SEMA5A: variants seen among roughly 807,000 people sequenced by gnomAD.
The protein encoded by SEMA5A is semaphorin 5A, also known as semaphorin-5A.
A neutral mutation model predicts 135.5 loss-of-function variants in SEMA5A; 55 were observed. The observed-to-expected ratio is 0.41, with a 90% CI of 0.33 to 0.51. The LOEUF (loss-of-function observed/expected upper bound fraction) is 0.51. Among genes scored for constraint, SEMA5A ranks in the 20% least tolerant of loss-of-function variants. The pLI is 0.37. For synonymous variants in SEMA5A, 580 were observed against 546.5 expected, an observed-to-expected ratio of 1.06 and a Z score of -0.85; for missense variants, 1,290 against 1,419.9, an observed-to-expected ratio of 0.91 and a Z score of 1.47.
chr5:9,330,607 C>G lies in SEMA5A; in HGVS notation c.224+7106G>C, dbSNP rs544689522. On this transcript the variant is annotated intron_variant, in intron 4 of 22. Transcript: ENST00000382496. Reference sequence around the variant, plus strand: ...TTTTGAACAAATGTCCTAGCTAATACTTAAGAACATTAATGTTTGGCAAAT... The same window carrying G: ...TTTTGAACAAATGTCCTAGCTAATAGTTAAGAACATTAATGTTTGGCAAAT... 4.0e-3 allele frequency among the ~76,000 whole-genome samples: 616 copies of G among 152,154 alleles called. 6 individuals are homozygous for G. The highest frequency in any genetic ancestry group is 0.014 in the African/African-American group (587 of 41,492).
chr5:9,066,579 G>A lies in SEMA5A; in HGVS notation c.2141C>T (p.Thr714Ile), dbSNP rs1737480112. Residue 714 changes from threonine to isoleucine, a missense_variant, in exon 17 of 23, where the codon ACA becomes ATA. By Grantham distance (89) the Thr-to-Ile change is moderately conservative (BLOSUM62 -1). This residue lies in a region of SEMA5A where 1,029 missense variants were observed against 1,086.6 expected (regional missense o/e 0.95). Coordinates refer to ENST00000382496, the MANE Select transcript of SEMA5A (RefSeq NM_003966.3). ...GCCGTTGTCAGAGATGTTGACAGGT[G>A]TCCAGGGTGTCCAGGGCGTGGTCTT... is the stretch of plus-strand genomic sequence containing the variant. ...LKKTTPWTPW[T>I]PVNISDNGGH... 1 of 1,614,082 alleles carries A rather than the reference G, an allele frequency of 6.2e-7. No homozygotes were observed. Among genetic ancestry groups the A allele is most frequent in the Non-Finnish European group, 8.5e-7 (1 of 1,180,038 alleles).
chr5:9,152,946 T>C (rs1200756665), intron 12 of SEMA5A, among the ~76,000 whole-genome samples: 1 of 151,966 alleles, frequency 6.6e-6, no homozygotes, highest in African/African-American at 2.4e-5. Flanking sequence ...CTGGCACATG[T>C]AATTTCAGCT....
intron 1 of SEMA5A, among the ~76,000 whole-genome samples, chr5:9,450,594 C>G (rs976338050): frequency 6.6e-6 from 1 of 152,080 alleles, no homozygotes; most frequent in Admixed American, 6.6e-5. Context: ...ACCTACACCC[C>G]TCTCCACTCA....
chr5:9,540,835 C>T (rs969538100), intron 1 of SEMA5A, among the ~76,000 whole-genome samples: 12 of 152,220 alleles, frequency 7.9e-5, no homozygotes, highest in South Asian at 6.2e-4. Flanking sequence ...CTCTGCAAGA[C>T]GTGTCACATC....
chr5:9,057,296 C>T (rs184913183), intron 18 of SEMA5A, among the ~76,000 whole-genome samples: 324 of 152,194 alleles, frequency 2.1e-3, no homozygotes, highest in African/African-American at 7.4e-3. Flanking sequence ...CTTACCACAG[C>T]GAAAACAAAA....
chr5:9,306,205 G>A (rs1487293281), intron 5 of SEMA5A, among the ~76,000 whole-genome samples: 1 of 152,178 alleles, frequency 6.6e-6, no homozygotes, highest in Non-Finnish European at 1.5e-5. Flanking sequence ...AAAAGTTTCA[G>A]TGATAATTAC....
At chr5:9,373,589 T>C (rs112768749) in intron 3 of SEMA5A, among the ~76,000 whole-genome samples, 228 of 152,220 alleles carry the variant, frequency 1.5e-3, no homozygotes, top group African/African-American at 5.2e-3. Context: ...AACCCATAAG[T>C]AGGAGGACAC....
At chr5:9,203,476 A>G (rs1249056335) in intron 8 of SEMA5A, among the ~76,000 whole-genome samples, 4 of 152,220 alleles carry the variant, frequency 2.6e-5, no homozygotes, top group Non-Finnish European at 4.4e-5. Flanking sequence ...GTTAAGAGTA[A>G]GACACATAAA....
intron 11 of SEMA5A, among the ~76,000 whole-genome samples, chr5:9,165,914 G>GCACTTATTTAATTC (rs1560981028): frequency 2.6e-5 from 4 of 152,058 alleles, no homozygotes; most frequent in Non-Finnish European, 2.9e-5. Flanking sequence ...GAATTAAATT[G>GCACTTATTTAATTC]GTCTTGGCAC....
chr5:9,487,371 T>C (rs1388093089), intron 1 of SEMA5A, among the ~76,000 whole-genome samples: 1 of 152,120 alleles, frequency 6.6e-6, no homozygotes, highest in African/African-American at 2.4e-5. Flanking sequence ...GCCAGGGAGT[T>C]AAAACCTTGG....
At chr5:9,303,023 A>G (rs1185944518) in intron 5 of SEMA5A, among the ~76,000 whole-genome samples, 6 of 152,238 alleles carry the variant, frequency 3.9e-5, no homozygotes, top group Admixed American at 2.6e-4. Flanking sequence ...ACCACTCACC[A>G]CATGGAAACA....
chr5:9,505,547 G>C (rs934933099), intron 1 of SEMA5A, among the ~76,000 whole-genome samples: 2 of 152,160 alleles, frequency 1.3e-5, no homozygotes, highest in Non-Finnish European at 1.5e-5. Context: ...TGTCAAACCA[G>C]ACTGGTTCAT....
chr5:9,173,157 A>C (rs1424295747), intron 11 of SEMA5A, among the ~76,000 whole-genome samples: 1 of 152,212 alleles, frequency 6.6e-6, no homozygotes, highest in Non-Finnish European at 1.5e-5. Flanking sequence ...GATCTGAAGA[A>C]AGGAGGAATG....
intron 5 of SEMA5A, among the ~76,000 whole-genome samples, chr5:9,276,282 A>C (rs773582171): frequency 6.6e-6 from 1 of 152,220 alleles, no homozygotes; most frequent in African/African-American, 2.4e-5. Flanking sequence ...AAGGGGAACA[A>C]CAAACCACTG....
At chr5:9,183,919 G>A (rs1447913728) in intron 11 of SEMA5A, among the ~76,000 whole-genome samples, 2 of 152,160 alleles carry the variant, frequency 1.3e-5, no homozygotes, top group Non-Finnish European at 2.9e-5. Flanking sequence ...TAACATTCTT[G>A]AGTCACATTT....
At chr5:9,222,019 C>T (rs1344482394) in intron 8 of SEMA5A, among the ~76,000 whole-genome samples, 2 of 152,172 alleles carry the variant, frequency 1.3e-5, no homozygotes, top group Non-Finnish European at 2.9e-5. Context: ...CACTAGCACC[C>T]CAGTGTTTAA....
chr5:9,446,893 A>G (rs1758454800), intron 1 of SEMA5A, among the ~76,000 whole-genome samples: 1 of 152,240 alleles, frequency 6.6e-6, no homozygotes, highest in Non-Finnish European at 1.5e-5. Flanking sequence ...TGGTCATTAC[A>G]TAGAAGAGCG....
intron 14 of SEMA5A, among the ~76,000 whole-genome samples, chr5:9,121,984 A>G (rs996694390): frequency 2.0e-5 from 3 of 152,224 alleles, no homozygotes; most frequent in African/African-American, 7.2e-5. Flanking sequence ...AAATACTGCA[A>G]ATTAATGAAC....
At position 9,049,930 on chromosome 5, in the gene SEMA5A, T is replaced by C. The variant is rs191765353; in HGVS notation, c.2893+480A>G. 2.6e-5 allele frequency among the ~76,000 whole-genome samples: 4 copies of C among 152,300 alleles called. No homozygotes were observed. In the East Asian group the frequency reaches 5.8e-4, roughly 22 times the overall value. ...TTATGCCTCATTACAATTTAGTCAT[T>C]TCAGTGGGTTGGAGATTGGAAGCTA... On this transcript the variant is annotated intron_variant, in intron 21 of 22. Transcript: ENST00000382496.
Sources: allele counts gnomAD v4.1 joint callset (sites outside exome capture counted in the v4.1 genomes callset), GRCh38; gene constraint gnomAD v4.1.1; regional missense constraint gnomAD v4.1.1; transcripts MANE v1.5; gene names NCBI Gene and HGNC (gene_info 2026-07-23, HGNC 2026-07-21).